Variants in TLR7 observed in about 807,000 individuals in gnomAD.
TLR7 encodes toll like receptor 7, also known as toll-like receptor 7.
In TLR7, 12 loss-of-function variants were observed where a neutral mutation model predicts 38.3. The observed-to-expected ratio is 0.31, with a 90% CI of 0.20 to 0.51. The LOEUF is 0.51. TLR7 is among the 20% of genes least tolerant of loss of function. TLR7 has a pLI of 0.98. For synonymous variants in TLR7, 285 were observed against 293.8 expected (o/e 0.97, Z 0.31); for missense variants, 504 against 743.4 (o/e 0.68, Z 3.74).
In TLR7 at chrX:12,886,426, C is replaced by T; in HGVS notation, c.918C>T (p.Pro306=). Residue 306 remains proline, a synonymous_variant, in exon 3 of 3, where the codon CCC becomes CCT. Transcript: ENST00000380659. ...RLHSNSLQHV[P]PRWFKNINKL... is the part of the protein sequence containing the mutation. ...ACAGTAACTCTCTTCAGCATGTGCC[C>T]CCAAGATGGTTTAAGAACATCAACA... The T allele has an allele frequency of 8.3e-7, 1 of 1,211,665 alleles. No individual in the cohort carries two copies. Among genetic ancestry groups the T allele is most frequent in the South Asian group, 1.8e-5 (1 of 57,007 alleles).
chrX:12,888,124 T>G lies in TLR7; in HGVS notation c.2616T>G (p.His872Gln). 2 of 1,211,696 alleles carry G rather than the reference T, an allele frequency of 1.7e-6. No homozygotes were observed. Among genetic ancestry groups the G allele is most frequent in the Non-Finnish European group, 2.2e-6 (2 of 895,255 alleles). Reference protein sequence around the residue: ...LYFWDVWYIYHFCKAKIKGYQ... With the variant: ...LYFWDVWYIYQFCKAKIKGYQ... ...TCTGGGATGTGTGGTATATTTACCA[T>G]TTCTGTAAGGCCAAGATAAAGGGGT... The change falls in exon 3 of 3, where the codon CAT (histidine) becomes CAG (glutamine). Residue 872 changes from histidine (H) to glutamine (Q), a missense_variant. His to Gln is a conservative substitution (Grantham distance 24). Coordinates refer to ENST00000380659, the MANE Select transcript of TLR7 (RefSeq NM_016562.4).
chrX:12,887,276 A>C lies in TLR7; in HGVS notation c.1768A>C (p.Asn590His). The change falls in exon 3 of 3, where the codon AAC becomes CAC. Residue 590 changes from asparagine to histidine, a missense_variant. Coordinates refer to ENST00000380659, the MANE Select transcript of TLR7 (RefSeq NM_016562.4). ...ATCAGAAGGAATTACTCATATGCTA[A>C]ACTTTACCAAGAACCTAAAGGTTCT... Reference protein sequence around the residue: ...FQSEGITHMLNFTKNLKVLQK... With the variant: ...FQSEGITHMLHFTKNLKVLQK... The C allele has an allele frequency of 8.3e-7, 1 of 1,211,250 alleles. No homozygotes were observed. The highest frequency in any genetic ancestry group is 1.1e-6 in the Non-Finnish European group (1 of 895,264).
chrX:12,872,555 CAG>C (rs1555907241), intron 2 of TLR7, among the ~76,000 whole-genome samples: 1,419 of 109,355 alleles, frequency 0.013, 11 homozygotes, highest in African/African-American at 0.046. Flanking sequence ...GAGGGAGAAA[CAG>C]GGAGAGAGAG....
chrX:12,876,949 A>G, intron 2 of TLR7, among the ~76,000 whole-genome samples: 1 of 111,537 alleles, frequency 9.0e-6, no homozygotes, highest in Admixed American at 9.5e-5. Context: ...CCGAAGCAAA[A>G]CAAAATAACA....
rs370353258 is a variant in TLR7, at chrX:12,890,053, T to C, written c.*1395T>C. ...AGAAAGAACCAAGACATTCTTAAGATGCCTGTACTTTCAGCTGGGTATAAA... is the reference window on the plus strand; with the variant it reads ...AGAAAGAACCAAGACATTCTTAAGACGCCTGTACTTTCAGCTGGGTATAAA... On this transcript the variant is annotated 3_prime_UTR_variant, in exon 3 of 3. Coordinates refer to ENST00000380659, the MANE Select transcript of TLR7 (RefSeq NM_016562.4). 1 of 112,894 alleles carries C rather than the reference T, an allele frequency of 8.9e-6. No homozygotes were observed. The highest frequency in any genetic ancestry group is 3.2e-5 in the African/African-American group (1 of 31,082). 9.3% of individuals were successfully genotyped at this position (112,894 alleles called of 1,213,427 possible). A position where few individuals can be genotyped will look rare whatever the true frequency, so the allele number is the denominator to read the frequency against.
Position 12,887,647 on chromosome X carries a change from T to C in TLR7, c.2139T>C (p.Thr713=). 3.3e-6 allele frequency: 4 copies of C among 1,211,083 alleles called. No homozygotes were observed. The highest frequency in any genetic ancestry group is 4.5e-6 in the Non-Finnish European group (4 of 895,119). ...TLDLSHNQLT[T]VPERLSNCSR... ...ACCTCAGCCACAACCAACTGACCAC[T>C]GTCCCTGAGAGATTATCCAACTGTT... The change falls in exon 3 of 3, where the codon ACT becomes ACC. Residue 713 remains threonine, a synonymous_variant. Coordinates refer to ENST00000380659, the MANE Select transcript of TLR7 (RefSeq NM_016562.4).
At position 12,888,986 on chromosome X, in the gene TLR7, G is replaced by A. The variant is rs200783165; in HGVS notation, c.*328G>A. 1.0e-5 allele frequency: 2 copies of A among 190,890 alleles called. No individual in the cohort carries two copies. Among genetic ancestry groups the A allele is most frequent in the African/African-American group, 6.0e-5 (2 of 33,449 alleles). The allele number at this position is 190,890 out of a possible 1,213,427, so 15.7% of individuals were successfully genotyped here. On this transcript the variant is annotated 3_prime_UTR_variant, in exon 3 of 3. Transcript: ENST00000380659. ...TAAATATACACACAATCATGACATT[G>A]AGAAGAACTGCATTTCTACCCTTAA...
chrX:12,888,944 C>A lies in TLR7; in HGVS notation c.*286C>A, dbSNP rs1164098808. 5 of 256,355 alleles carry A rather than the reference C, an allele frequency of 2.0e-5. No homozygotes were observed. The East Asian group carries it at 3.1e-4, about 16-fold the overall frequency. The allele number at this position is 256,355 out of a possible 1,213,427, so 21.1% of individuals were successfully genotyped here. A position where few individuals can be genotyped will look rare whatever the true frequency, so the allele number is the denominator to read the frequency against. On this transcript the variant is annotated 3_prime_UTR_variant, in exon 3 of 3. Transcript: ENST00000380659. ...GTAAAAAACATGGGGCTCTGATTCT[C>A]CTGTAATTGTGATAATTAAATATAC... is the stretch of plus-strand genomic sequence containing the variant.
In TLR7 at chrX:12,888,862, T is replaced by C. The variant is rs2042920579; in HGVS notation, c.*204T>C. 1 of 352,452 alleles carries C rather than the reference T, an allele frequency of 2.8e-6. No homozygotes were observed. Among genetic ancestry groups the C allele is most frequent in the African/African-American group, 2.6e-5 (1 of 38,072 alleles). The allele number at this position is 352,452 out of a possible 1,213,427, so 29.0% of individuals were successfully genotyped here. On this transcript the variant is annotated 3_prime_UTR_variant, in exon 3 of 3. Coordinates refer to ENST00000380659, the MANE Select transcript of TLR7 (RefSeq NM_016562.4). The stretch of plus-strand genomic sequence containing the variant: ...TGCATCAAGTCTTCTTTCTTATCTC[T>C]CTGTGTCTCTATTTGCACTTGAGTC...
chrX:12,875,106 G>T (rs906215738), intron 2 of TLR7, among the ~76,000 whole-genome samples: 2 of 111,562 alleles, frequency 1.8e-5, no homozygotes, highest in African/African-American at 6.5e-5. Context: ...AGGTGGATAG[G>T]TTTTGCCACC....
At chrX:12,880,573 C>T (rs1057011500) in intron 2 of TLR7, among the ~76,000 whole-genome samples, 1 of 111,998 alleles carries the variant, frequency 8.9e-6, no homozygotes, top group Admixed American at 9.4e-5. Context: ...AGAAATCTGA[C>T]CTCTGCTTAG....
chrX:12,888,441 T>C lies in TLR7; in HGVS notation c.2933T>C (p.Leu978Pro). ...KIAFYLSHQRLMDEKVDVIIL... is the reference protein window; with the variant it reads ...KIAFYLSHQRPMDEKVDVIIL... ...GCATTTTACTTGTCCCATCAGAGGCTCATGGATGAAAAAGTTGATGTGATT... is the reference window on the plus strand; with the variant it reads ...GCATTTTACTTGTCCCATCAGAGGCCCATGGATGAAAAAGTTGATGTGATT... The change falls in exon 3 of 3, where the codon CTC becomes CCC. Residue 978 changes from leucine to proline, a missense_variant. Transcript: ENST00000380659. The C allele has an allele frequency of 8.3e-7, 1 of 1,211,500 alleles. No individual in the cohort carries two copies. The highest frequency in any genetic ancestry group is 1.1e-6 in the Non-Finnish European group (1 of 895,270).
chrX:12,884,451 T>G lies in TLR7; in HGVS notation c.4-1061T>G, dbSNP rs759311885. Among the ~76,000 whole-genome samples the G allele has an allele frequency of 1.1e-4, 12 of 112,346 alleles. No homozygotes were observed. In the East Asian group the frequency reaches 3.3e-3, roughly 31 times the overall value. Reference sequence around the variant, plus strand: ...CTGGAGTAGACATTGCTAGAAATCCTGAAACTTGAGAGCCAGTCCACGGTT... The same window carrying G: ...CTGGAGTAGACATTGCTAGAAATCCGGAAACTTGAGAGCCAGTCCACGGTT... On this transcript the variant is annotated intron_variant, in intron 2 of 2. Coordinates refer to ENST00000380659, the MANE Select transcript of TLR7 (RefSeq NM_016562.4).
Position 12,887,925 on chromosome X carries a change from C to T in TLR7, c.2417C>T (p.Pro806Leu), listed in dbSNP as rs1205446189. The change falls in exon 3 of 3, where the codon CCT becomes CTT. Residue 806 changes from proline to leucine, a missense_variant. Transcript: ENST00000380659. The part of the protein sequence containing the change: ...WWVNHTEVTI[P>L]YLATDVTCVG... Reference sequence around the variant, plus strand: ...GTTAACCATACGGAGGTGACTATTCCTTACCTGGCCACAGATGTGACTTGT... The same window carrying T: ...GTTAACCATACGGAGGTGACTATTCTTTACCTGGCCACAGATGTGACTTGT... 8.3e-7 allele frequency: 1 copy of T among 1,209,919 alleles called. No homozygotes were observed. The highest frequency in any genetic ancestry group is 1.1e-6 in the Non-Finnish European group (1 of 895,246).
intron 2 of TLR7, among the ~76,000 whole-genome samples, chrX:12,872,686 T>C (rs1261631382): frequency 9.0e-6 from 1 of 110,560 alleles, no homozygotes; most frequent in Non-Finnish European, 1.9e-5. Context: ...TGTCTCCAAA[T>C]CCCTCTCCTT....
chrX:12,886,394 C>T lies in TLR7; in HGVS notation c.886C>T (p.Arg296Cys), dbSNP rs781655586. The change falls in exon 3 of 3, where the codon CGT (arginine) becomes TGT (cysteine). Residue 296 changes from arginine to cysteine, a missense_variant. By Grantham distance (180) the Arg-to-Cys change is radical (BLOSUM62 -3). Transcript: ENST00000380659. ...TGCGCTGACAGAATTAAAAGTTTTACGTCTACACAGTAACTCTCTTCAGCA... is the reference window on the plus strand; with the variant it reads ...TGCGCTGACAGAATTAAAAGTTTTATGTCTACACAGTAACTCTCTTCAGCA... ...FDALTELKVL[R>C]LHSNSLQHVP... is the part of the protein sequence containing the mutation. 3 of 1,211,617 alleles carry T rather than the reference C, an allele frequency of 2.5e-6. No homozygotes were observed. Among genetic ancestry groups the T allele is most frequent in the Non-Finnish European group, 2.2e-6 (2 of 895,344 alleles).
At chrX:12,875,518 C>T (rs1280846844) in intron 2 of TLR7, among the ~76,000 whole-genome samples, 5 of 112,031 alleles carry the variant, frequency 4.5e-5, no homozygotes, top group Non-Finnish European at 7.5e-5. Flanking sequence ...AGCTGTGTCC[C>T]CACCTAAATC....
chrX:12,878,823 C>G (rs140089594), intron 2 of TLR7, among the ~76,000 whole-genome samples: 19 of 111,877 alleles, frequency 1.7e-4, no homozygotes, highest in Non-Finnish European at 3.0e-4. Flanking sequence ...GACTGGCTTT[C>G]ATTGTCTACT....
In TLR7 at chrX:12,867,598, G is replaced by T; in HGVS notation, c.3+17G>T. 8.3e-7 allele frequency: 1 copy of T among 1,202,198 alleles called. No individual in the cohort carries two copies. The highest frequency in any genetic ancestry group is 1.1e-6 in the Non-Finnish European group (1 of 887,717). Reference sequence around the variant, plus strand: ...CTAAAAATGGTAAGAACAGCTCAGAGAACCTTAAAAAGTGTTATCTGTAAT... The same window carrying T: ...CTAAAAATGGTAAGAACAGCTCAGATAACCTTAAAAAGTGTTATCTGTAAT... On this transcript the variant is annotated intron_variant, in intron 2 of 2. Coordinates refer to ENST00000380659, the MANE Select transcript of TLR7 (RefSeq NM_016562.4).
Sources: gnomAD v4.1 joint callset for allele counts (sites outside exome capture counted in the v4.1 genomes callset) on GRCh38, gnomAD v4.1.1 for gene constraint, MANE v1.5 for transcripts, NCBI Gene and HGNC (gene_info 2026-07-23, HGNC 2026-07-21) for gene names.